SDK2: variants seen among roughly 807,000 people sequenced by gnomAD.
The protein encoded by SDK2 is protein sidekick-2.
SDK2 carries 105 observed loss-of-function variants against 253.9 expected under a neutral mutation model. The ratio of observed to expected loss-of-function variants is 0.41; its 90% CI spans 0.35 to 0.49. The LOEUF is 0.49. SDK2 is among the 20% of genes least tolerant of loss of function. SDK2 has a pLI of 0.06. For missense variants in SDK2, 2,608 were observed against 3,003.0 expected (o/e 0.87, Z 3.07); for synonymous variants, 1,249 against 1,234.9 (o/e 1.01, Z -0.24).
At position 73,450,640 on chromosome 17, in the gene SDK2, G is replaced by A. The variant is rs111423768; in HGVS notation, c.480-2892C>T. Among the ~76,000 whole-genome samples the A allele has an allele frequency of 9.9e-3, 1,513 of 152,280 alleles. 11 individuals carry two copies. The highest frequency in any genetic ancestry group is 0.015 in the Non-Finnish European group (1,014 of 68,020). On this transcript the variant is annotated intron_variant, in intron 4 of 44. Transcript: ENST00000392650. Reference sequence around the variant, plus strand: ...CCACCTCCAATTTCATCTCTTTCTTGATCAGGAAGGCTCCTTTCACTGTAT... The same window carrying A: ...CCACCTCCAATTTCATCTCTTTCTTAATCAGGAAGGCTCCTTTCACTGTAT...
chr17:73,393,886 C>T (rs1422208846), intron 26 of SDK2, 137 bp from the exon 27 acceptor site: 1 of 642,330 alleles, frequency 1.6e-6, no homozygotes, highest in Non-Finnish European at 2.4e-6. Context: ...GACCATGTGG[C>T]TAGGCACAGC....
intron 4 of SDK2, among the ~76,000 whole-genome samples, chr17:73,448,512 G>A (rs544256019): frequency 3.3e-5 from 5 of 151,318 alleles, no homozygotes; most frequent in African/African-American, 9.7e-5. Context: ...CTACAGGTGC[G>A]CGCCACTACC....
In SDK2 at chr17:73,472,190, GGGTGC is replaced by G; in HGVS notation, c.248_252del (p.Arg83ProfsTer32). ...ACGATGCAACGGTAAAAGCCAGCGT[GGGTGC>G]GGTCCAGGCTGGTGATCATGTATCT... On this transcript the variant is annotated frameshift_variant, in exon 3 of 45. Transcript: ENST00000392650. LOFTEE classifies it high-confidence loss of function. The G allele has an allele frequency of 6.4e-7, 1 of 1,551,728 alleles. No homozygotes were observed. The highest frequency in any genetic ancestry group is 8.7e-7 in the Non-Finnish European group (1 of 1,146,988).
chr17:73,448,463 C>T (rs2063468560), intron 4 of SDK2, among the ~76,000 whole-genome samples: 8 of 152,070 alleles, frequency 5.3e-5, no homozygotes, highest in Admixed American at 4.6e-4. Flanking sequence ...CTCCCGGGTT[C>T]AAGCGATTCT....
intron 1 of SDK2, among the ~76,000 whole-genome samples, chr17:73,510,682 T>C (rs2063973237): frequency 6.6e-6 from 1 of 152,016 alleles, no homozygotes; most frequent in African/African-American, 2.4e-5. Context: ...TTAGTAGAGA[T>C]GGGGTTTCAC....
At chr17:73,353,553 C>T (rs1030888158) in intron 40 of SDK2, among the ~76,000 whole-genome samples, 16 of 152,154 alleles carry the variant, frequency 1.1e-4, no homozygotes, top group African/African-American at 3.9e-4. Context: ...TCCAAATCCA[C>T]CATGCCTGAC....
intron 1 of SDK2, among the ~76,000 whole-genome samples, chr17:73,530,984 C>G (rs974522304): frequency 1.3e-5 from 2 of 152,200 alleles, no homozygotes; most frequent in Admixed American, 1.3e-4. Context: ...CTTCCTGACT[C>G]TGTAACCCTG....
rs565971094 is a variant in SDK2, at chr17:73,410,608, C to A, written c.2484+4036G>T. Among the ~76,000 whole-genome samples, 6 of 152,322 alleles carry A rather than the reference C, an allele frequency of 3.9e-5. No homozygotes were observed. In the East Asian group the frequency reaches 1.2e-3, roughly 29 times the overall value. On this transcript the variant is annotated intron_variant, in intron 18 of 44. Coordinates refer to ENST00000392650, the MANE Select transcript of SDK2 (RefSeq NM_001144952.2). ...CTAGGATTCCAGGCATGAGCCACCA[C>A]CCCCGGCCGATAATGCTGCTTCTTA...
chr17:73,469,986 G>GCGCA (rs1555585130), intron 3 of SDK2, among the ~76,000 whole-genome samples: 10 of 81,098 alleles, frequency 1.2e-4, no homozygotes, highest in African/African-American at 3.8e-4. Flanking sequence ...GCGACTGCGC[G>GCGCA]CGCGCGCACA....
intron 15 of SDK2, among the ~76,000 whole-genome samples, chr17:73,421,926 A>T (rs2145585274): frequency 6.6e-6 from 1 of 152,056 alleles, no homozygotes. Context: ...CAAGACATGG[A>T]TATGGAGATC....
At chr17:73,397,114 G>C (rs1027775629) in intron 24 of SDK2, among the ~76,000 whole-genome samples, 1 of 152,192 alleles carries the variant, frequency 6.6e-6, no homozygotes, top group Non-Finnish European at 1.5e-5. Context: ...GTGGTCAGAT[G>C]GGCCTGGGGA....
chr17:73,503,660 C>T (rs2063908131), intron 2 of SDK2, among the ~76,000 whole-genome samples: 1 of 152,182 alleles, frequency 6.6e-6, no homozygotes, highest in African/African-American at 2.4e-5. Flanking sequence ...CTTTTCCCTT[C>T]TTATGTTAAC....
chr17:73,398,016 G>A lies in SDK2; in HGVS notation c.3354+19C>T, dbSNP rs749173913. 2 of 1,606,990 alleles carry A rather than the reference G, an allele frequency of 1.2e-6. No homozygotes were observed. The highest frequency in any genetic ancestry group is 1.3e-5 in the African/African-American group (1 of 75,044). On this transcript the variant is annotated intron_variant, in intron 24 of 44. Transcript: ENST00000392650. ...AAGCTCATGGAGAGGTCCCACCCCT[G>A]CCCTCGAGGGAGCCTTACCATCCAG...
chr17:73,473,907 G>A (rs1024777931), intron 2 of SDK2, among the ~76,000 whole-genome samples: 8 of 151,882 alleles, frequency 5.3e-5, no homozygotes, highest in African/African-American at 1.9e-4. Flanking sequence ...AAAGTGCCAG[G>A]GAAAGAAAAA....
At chr17:73,370,778 A>C (rs985532669) in intron 36 of SDK2, among the ~76,000 whole-genome samples, 1 of 151,566 alleles carries the variant, frequency 6.6e-6, no homozygotes, top group African/African-American at 2.4e-5. Flanking sequence ...AGAAAGGGGG[A>C]GAGGGCCGGG....
At chr17:73,494,753 G>A (rs1401321111) in intron 2 of SDK2, among the ~76,000 whole-genome samples, 1 of 152,116 alleles carries the variant, frequency 6.6e-6, no homozygotes, top group East Asian at 1.9e-4. Flanking sequence ...CCCTGCTACT[G>A]ACTAGCAAAT....
At chr17:73,376,947 GCT>G (rs965352842) in intron 36 of SDK2, among the ~76,000 whole-genome samples, 12 of 149,818 alleles carry the variant, frequency 8.0e-5, no homozygotes, top group African/African-American at 2.7e-4. Context: ...GTATTAATGA[GCT>G]GTGTGACTTG....
intron 1 of SDK2, among the ~76,000 whole-genome samples, chr17:73,509,161 C>T (rs10083862): frequency 0.024 from 3,653 of 152,302 alleles, 142 homozygotes; most frequent in African/African-American, 0.083. Flanking sequence ...TTCACTCCAC[C>T]GCTTCCCAGC....
At position 73,390,397 on chromosome 17, in the gene SDK2, G is replaced by T. The variant is rs749718516; in HGVS notation, c.4082C>A (p.Thr1361Lys). 13 of 1,612,718 alleles carry T rather than the reference G, an allele frequency of 8.1e-6. No individual in the cohort carries two copies. The highest frequency in any genetic ancestry group is 1.0e-5 in the Non-Finnish European group (12 of 1,179,634). The change falls in exon 29 of 45, where the codon ACA becomes AAA. Residue 1361 changes from threonine (T) to lysine (K), a missense_variant. Thr to Lys is a moderately conservative substitution (Grantham distance 78). Coordinates refer to ENST00000392650, the MANE Select transcript of SDK2 (RefSeq NM_001144952.2). ...EVLAPSARQY[T>K]ATGLKPESVY... The stretch of plus-strand genomic sequence containing the variant: ...AGACTCTGGCTTGAGGCCCGTGGCT[G>T]TGTACTGCCGGGCGCTGGGTGCCAG...
Sources: allele counts gnomAD v4.1 joint callset (sites outside exome capture counted in the v4.1 genomes callset), GRCh38; gene constraint gnomAD v4.1.1; transcripts MANE v1.5; gene names NCBI Gene and HGNC (gene_info 2026-07-23, HGNC 2026-07-21).